PBRM1: variants seen among roughly 807,000 people sequenced by gnomAD.
PBRM1 encodes polybromo 1, also known as protein polybromo-1.
In PBRM1, 27 loss-of-function variants were observed where a neutral mutation model predicts 194.5. The ratio of observed to expected loss-of-function variants is 0.14; its 90% CI spans 0.10 to 0.19. The LOEUF (loss-of-function observed/expected upper bound fraction) is 0.19, where lower values mean the gene tolerates loss of function less well. Ranked by LOEUF, PBRM1 falls within the 10% of genes least tolerant of loss-of-function variation. PBRM1 has a pLI of 1.00. For missense variants in PBRM1, 1,466 were observed against 2,077.2 expected (o/e 0.71, Z 5.72); for synonymous variants, 655 against 693.2 (o/e 0.94, Z 0.87).
chr3:52,638,848 C>T (rs1418890083), intron 10 of PBRM1, among the ~76,000 whole-genome samples: 1 of 152,054 alleles, frequency 6.6e-6, no homozygotes, highest in African/African-American at 2.4e-5. Flanking sequence ...ATCCTCCTGC[C>T]TCTGCCTCCC....
intron 8 of PBRM1, 70 bp from the exon 10 acceptor site, chr3:52,643,413 A>C: frequency 2.2e-6 from 2 of 908,034 alleles, no homozygotes; most frequent in East Asian, 2.4e-5. Context: ...AAACAAACAC[A>C]CACACAACCA....
At chr3:52,601,342 G>T (rs1258142955) in intron 17 of PBRM1, among the ~76,000 whole-genome samples, 1 of 152,174 alleles carries the variant, frequency 6.6e-6, no homozygotes, top group Non-Finnish European at 1.5e-5. Context: ...GTTTGTGTGG[G>T]TAAGAGATGA....
rs994498236 is a variant in PBRM1 at position 52,667,894 on chromosome 3, T to TA, written c.384+603dup. 3.3e-3 allele frequency among the ~76,000 whole-genome samples: 444 copies of TA among 135,944 alleles called. 2 individuals carry two copies. Among genetic ancestry groups the TA allele is most frequent in the African/African-American group, 9.5e-3 (349 of 36,852 alleles). The allele number at this position is 135,944 out of a possible 152,430, so 89.2% of individuals were successfully genotyped here. ...GAGTAACATAGGGAGACTCTGTCTC[T>TA]AAAAAAAAAAAGAAAAAAAAATTCC... On this transcript the variant is annotated intron_variant, in intron 3 of 29. Transcript: ENST00000296302.
rs769242355 is a variant in PBRM1 at position 52,648,328 on chromosome 3, C to A, written c.813+16G>T. On this transcript the variant is annotated intron_variant, in intron 7 of 29. Coordinates refer to ENST00000296302, the Ensembl canonical transcript of PBRM1. ...TTACCAAGGAAAACAACAACAACAACAACAACAAAACTAACCTTGAATACT... is the reference window on the plus strand; with the variant it reads ...TTACCAAGGAAAACAACAACAACAAAAACAACAAAACTAACCTTGAATACT... The A allele has an allele frequency of 2.7e-6, 4 of 1,479,648 alleles. No individual in the cohort carries two copies. The African/African-American group carries it at 4.2e-5, about 16-fold the overall frequency. The allele number at this position is 1,479,648 out of a possible 1,614,324, so 91.7% of individuals were successfully genotyped here. A position where few individuals can be genotyped will look rare whatever the true frequency, so the allele number is the denominator to read the frequency against.
rs368888324 is a variant in PBRM1 at position 52,596,167 on chromosome 3, C to T, written c.2780-6912G>A. Among the ~76,000 whole-genome samples, 611 of 152,010 alleles carry T rather than the reference C, an allele frequency of 4.0e-3. 5 individuals are homozygous for T. The highest frequency in any genetic ancestry group is 0.014 in the African/African-American group (576 of 41,446). Reference sequence around the variant, plus strand: ...TAAATTGTAGGATTGTGGCTGGGCGCGGTGGCTCACGCCTGTAATCCCAGC... The same window carrying T: ...TAAATTGTAGGATTGTGGCTGGGCGTGGTGGCTCACGCCTGTAATCCCAGC... On this transcript the variant is annotated intron_variant, in intron 17 of 29. Transcript: ENST00000296302.
intron 10 of PBRM1, 38 bp from the exon 12 acceptor site, chr3:52,634,853 G>C (rs748782403): frequency 5.7e-6 from 8 of 1,394,024 alleles, no homozygotes; most frequent in Middle Eastern, 1.8e-4. Flanking sequence ...AGGGACGAAT[G>C]AGATGAAGAA....
intron 2 of PBRM1, among the ~76,000 whole-genome samples, chr3:52,677,114 T>C (rs1474716818): frequency 5.9e-5 from 9 of 152,102 alleles, no homozygotes; most frequent in African/African-American, 1.9e-4. Context: ...TACAAAAACA[T>C]AGGGGAAAAG....
chr3:52,572,658 G>T (rs2087815757), intron 22 of PBRM1, among the ~76,000 whole-genome samples: 1 of 152,178 alleles, frequency 6.6e-6, no homozygotes, highest in Non-Finnish European at 1.5e-5. Context: ...TTATAGGCGT[G>T]AGCCATTGTG....
intron 22 of PBRM1, among the ~76,000 whole-genome samples, chr3:52,565,660 A>G (rs1166254355): frequency 1.3e-5 from 2 of 152,190 alleles, no homozygotes; most frequent in African/African-American, 4.8e-5. Context: ...CCTACAACTC[A>G]ACATTAAGAC....
At chr3:52,545,612 TA>T (rs913103511), downstream of PBRM1, 17 of 215,958 alleles carry the variant, frequency 7.9e-5, no homozygotes, top group Middle Eastern at 1.4e-3. Flanking sequence ...GAGAGTGGCT[TA>T]AAAAAAAAAC....
downstream of PBRM1, chr3:52,547,240 C>T (rs966132629): frequency 4.3e-6 from 1 of 232,960 alleles, no homozygotes; most frequent in African/African-American, 2.2e-5. Context: ...TATCCTTAAA[C>T]GTACCTGCCT....
chr3:52,588,247 T>G (rs1362346332), intron 18 of PBRM1, among the ~76,000 whole-genome samples: 2 of 152,200 alleles, frequency 1.3e-5, no homozygotes, highest in African/African-American at 4.8e-5. Context: ...CTGGATTGCC[T>G]GGATCACATT....
intron 4 of PBRM1, among the ~76,000 whole-genome samples, chr3:52,659,805 T>C (rs910704272): frequency 1.3e-5 from 2 of 152,188 alleles, no homozygotes; most frequent in Non-Finnish European, 2.9e-5. Context: ...ATAAAGAGTC[T>C]TGGGGTCTGG....
chr3:52,588,078 TGAG>T (rs1173098194), intron 18 of PBRM1, among the ~76,000 whole-genome samples: 1 of 152,106 alleles, frequency 6.6e-6, no homozygotes, highest in African/African-American at 2.4e-5. Context: ...AAGTACATAA[TGAG>T]GAGGACAGGT....
At chr3:52,545,684 C>A (rs1228690480), downstream of PBRM1, 8 of 232,894 alleles carry the variant, frequency 3.4e-5, no homozygotes, top group Non-Finnish European at 6.8e-5. Context: ...CTGTTTTAAA[C>A]CTACAGGTTC....
intron 2 of PBRM1, among the ~76,000 whole-genome samples, chr3:52,676,725 A>C (rs1010607826): frequency 6.6e-6 from 1 of 152,210 alleles, no homozygotes; most frequent in Non-Finnish European, 1.5e-5. Flanking sequence ...GCTCAGAAGA[A>C]GACAGGAAAA....
chr3:52,614,244 G>A (rs576898881), intron 15 of PBRM1, among the ~76,000 whole-genome samples: 5 of 151,846 alleles, frequency 3.3e-5, no homozygotes, highest in Non-Finnish European at 5.9e-5. Flanking sequence ...GCCTGGTGGC[G>A]TACATCTGTA....
intron 2 of PBRM1, among the ~76,000 whole-genome samples, chr3:52,670,515 C>T (rs1277613141): frequency 6.6e-6 from 1 of 152,182 alleles, no homozygotes; most frequent in Non-Finnish European, 1.5e-5. Context: ...TTCAAAACAA[C>T]TTTTCTCTTT....
chr3:52,579,238 A>G lies in PBRM1; in HGVS notation c.3388-39T>C, dbSNP rs1360090430. 1.9e-6 allele frequency: 3 copies of G among 1,577,852 alleles called. No individual in the cohort carries two copies. In the Admixed American group the frequency reaches 5.0e-5, roughly 26 times the overall value. The stretch of plus-strand genomic sequence containing the variant: ...AACTGGCTGAAGAAAGGTAGTTGAT[A>G]ATCAAGGAATAGAGAAGGTAAGAAA... On this transcript the variant is annotated intron_variant, in intron 20 of 29. Transcript: ENST00000296302.
Sources: allele counts gnomAD v4.1 joint callset (sites outside exome capture counted in the v4.1 genomes callset), GRCh38; gene constraint gnomAD v4.1.1; transcripts MANE v1.5; gene names NCBI Gene and HGNC (gene_info 2026-07-23, HGNC 2026-07-21).